TTC21B: variants seen among roughly 807,000 people sequenced by gnomAD.
TTC21B encodes the protein tetratricopeptide repeat protein 21B.
In TTC21B, 127 loss-of-function variants were observed where a neutral mutation model predicts 175.1. The observed-to-expected ratio is 0.73, with a 90% CI of 0.63 to 0.84. The LOEUF (loss-of-function observed/expected upper bound fraction) is 0.84, where lower values mean the gene tolerates loss of function less well. Among genes scored for constraint, TTC21B ranks in the 40% least tolerant of loss-of-function variants. TTC21B has a pLI of 0.00. For missense variants in TTC21B, 1,561 were observed against 1,558.3 expected (o/e 1.00, Z -0.03); for synonymous variants, 524 against 524.5 (o/e 1.00, Z 0.01).
intron 28 of TTC21B, among the ~76,000 whole-genome samples, chr2:165,875,320 A>C (rs1392700553): frequency 6.6e-6 from 1 of 152,048 alleles, no homozygotes; most frequent in Non-Finnish European, 1.5e-5. Flanking sequence ...GCCTTACATT[A>C]ACACACAACC....
intron 18 of TTC21B, among the ~76,000 whole-genome samples, chr2:165,909,590 T>C (rs1574091759): frequency 6.6e-6 from 1 of 152,108 alleles, no homozygotes; most frequent in Non-Finnish European, 1.5e-5. Flanking sequence ...GAAATGTAAA[T>C]TAAAATGTTT....
At chr2:165,881,683 G>C (rs999799798) in intron 26 of TTC21B, among the ~76,000 whole-genome samples, 1 of 152,036 alleles carries the variant, frequency 6.6e-6, no homozygotes, top group African/African-American at 2.4e-5. Context: ...GGAGAGAGGT[G>C]AATCTACTTC....
chr2:165,885,014 GT>G (rs1440836169), intron 25 of TTC21B, among the ~76,000 whole-genome samples: 1 of 152,144 alleles, frequency 6.6e-6, no homozygotes, highest in Non-Finnish European at 1.5e-5. Flanking sequence ...GCTGAGTGTG[GT>G]GGCCAGCCCC....
intron 20 of TTC21B, among the ~76,000 whole-genome samples, chr2:165,901,503 A>G (rs1472239186): frequency 4.6e-5 from 7 of 151,712 alleles, no homozygotes; most frequent in Non-Finnish European, 1.0e-4. Context: ...TTGTATTTTC[A>G]GTAAAGACAA....
At chr2:165,894,777 A>G (rs1685306198) in intron 22 of TTC21B, among the ~76,000 whole-genome samples, 1 of 152,218 alleles carries the variant, frequency 6.6e-6, no homozygotes, top group African/African-American at 2.4e-5. Context: ...TGTGTGTGGC[A>G]TTTTGTCTGA....
chr2:165,944,576 T>C lies in TTC21B; in HGVS notation c.429+948A>G, dbSNP rs562439041. ...TCAAGCCACTTCATCCAAGAAACCA[T>C]TGTCTAATTAATCTTCTGGATTTGC... On this transcript the variant is annotated intron_variant, in intron 4 of 28. Coordinates refer to ENST00000243344, the MANE Select transcript of TTC21B (RefSeq NM_024753.5). 1.4e-4 allele frequency among the ~76,000 whole-genome samples: 21 copies of C among 152,278 alleles called. No individual in the cohort carries two copies. The East Asian group carries it at 3.5e-3, about 25-fold the overall frequency.
At chr2:165,945,953 T>G (rs1687543970) in intron 3 of TTC21B, among the ~76,000 whole-genome samples, 1 of 152,156 alleles carries the variant, frequency 6.6e-6, no homozygotes, top group South Asian at 2.1e-4. Context: ...GACATAAAAA[T>G]TAATGAGATA....
intron 28 of TTC21B, 76 bp from the exon 29 acceptor site, chr2:165,874,908 A>C (rs1684615682): frequency 7.8e-7 from 1 of 1,276,068 alleles, no homozygotes; most frequent in Non-Finnish European, 1.1e-6. Flanking sequence ...ACTTATAAGA[A>C]ATGAGCATTA....
rs1687702154 is a variant in TTC21B, at chr2:165,949,687, T to C, written c.59A>G (p.His20Arg). Residue 20 changes from histidine (H) to arginine (R), a missense_variant, in exon 2 of 29, where the codon CAT becomes CGT. By Grantham distance (29) the His-to-Arg change is conservative (BLOSUM62 0). Transcript: ENST00000243344. The stretch of plus-strand genomic sequence containing the variant: ...TTCACTGGCAACCAGTAATACATGA[T>C]GGAAATATCTCTCTTGACAATAGTA... ...INYYCQERYFHHVLLVASEGI... is the reference protein window; with the variant it reads ...INYYCQERYFRHVLLVASEGI... 2 of 1,612,244 alleles carry C rather than the reference T, an allele frequency of 1.2e-6. No homozygotes were observed. The highest frequency in any genetic ancestry group is 8.5e-7 in the Non-Finnish European group (1 of 1,178,920).
intron 6 of TTC21B, 109 bp from the exon 7 acceptor site, chr2:165,933,166 T>C: frequency 2.6e-6 from 2 of 768,646 alleles, no homozygotes; most frequent in South Asian, 3.2e-5. Flanking sequence ...TTCAAATAAG[T>C]AATTTTCACT....
chr2:165,908,708 A>G (rs1303494871), intron 18 of TTC21B, among the ~76,000 whole-genome samples: 3 of 152,158 alleles, frequency 2.0e-5, no homozygotes, highest in Admixed American at 6.5e-5. Flanking sequence ...GCATCTAAGT[A>G]TGTCATGGGT....
At chr2:165,879,955 A>C (rs529085132) in intron 27 of TTC21B, 2 of 152,424 alleles carry the variant, frequency 1.3e-5, no homozygotes, top group East Asian at 3.9e-4. Context: ...ATTGCAATTT[A>C]AAGGGTCATG....
At chr2:165,882,418 T>C (rs906549653) in intron 26 of TTC21B, among the ~76,000 whole-genome samples, 3 of 152,188 alleles carry the variant, frequency 2.0e-5, no homozygotes, top group African/African-American at 4.8e-5. Flanking sequence ...CGAGAAGTCA[T>C]GGATTTAAAC....
At chr2:165,894,894 G>A (rs1307314030) in intron 22 of TTC21B, among the ~76,000 whole-genome samples, 1 of 152,084 alleles carries the variant, frequency 6.6e-6, no homozygotes, top group Non-Finnish European at 1.5e-5. Context: ...TAATAAAGAC[G>A]TATGGACAAA....
At position 165,874,025 on chromosome 2, in the gene TTC21B, T is replaced by G. The variant is rs886055021; in HGVS notation, c.*730A>C. 2.0e-5 allele frequency: 3 copies of G among 152,028 alleles called. No homozygotes were observed. The highest frequency in any genetic ancestry group is 2.9e-5 in the Non-Finnish European group (2 of 68,012). The allele number at this position is 152,028 out of a possible 1,614,324, so 9.4% of individuals were successfully genotyped here. A position where few individuals can be genotyped will look rare whatever the true frequency, so the allele number is the denominator to read the frequency against. ...TTCATGAGTTATTTACAGGGAGATT[T>G]ATTCCAATTTTTGAAACAACACAGA... On this transcript the variant is annotated 3_prime_UTR_variant, in exon 29 of 29. Transcript: ENST00000243344.
Position 165,898,741 on chromosome 2 carries a change from T to G in TTC21B, c.2895A>C (p.Lys965Asn). 1 of 1,613,492 alleles carries G rather than the reference T, an allele frequency of 6.2e-7. No individual in the cohort carries two copies. Among genetic ancestry groups the G allele is most frequent in the Non-Finnish European group, 8.5e-7 (1 of 1,179,440 alleles). The change falls in exon 22 of 29, where the codon AAA (lysine) becomes AAC (asparagine). Residue 965 changes from lysine to asparagine, a missense_variant. Transcript: ENST00000243344. ...GAAACACTGCTTGTTCATAGTCTTG[T>G]TTTCTGAACATGAGATCAGCCATCA... ...TMMMADLMFRKQDYEQAVFHL... is the reference protein window; with the variant it reads ...TMMMADLMFRNQDYEQAVFHL...
chr2:165,874,066 G>A lies in TTC21B; in HGVS notation c.*689C>T, dbSNP rs959452957. On this transcript the variant is annotated 3_prime_UTR_variant, in exon 29 of 29. Coordinates refer to ENST00000243344, the MANE Select transcript of TTC21B (RefSeq NM_024753.5). ...ACAACACAGAATACAACAAAAACAG[G>A]CTGGGTGCGGTGGCTCATGCCTGTA... The A allele has an allele frequency of 2.0e-5, 3 of 152,118 alleles. No homozygotes were observed. The highest frequency in any genetic ancestry group is 6.5e-5 in the Admixed American group (1 of 15,272). The allele number at this position is 152,118 out of a possible 1,614,324, so 9.4% of individuals were successfully genotyped here.
At chr2:165,900,383 A>C (rs1032122939) in intron 20 of TTC21B, among the ~76,000 whole-genome samples, 2 of 152,246 alleles carry the variant, frequency 1.3e-5, no homozygotes, top group African/African-American at 4.8e-5. Context: ...TATATTAATA[A>C]AAATGTTCAA....
In TTC21B at chr2:165,914,654, A is replaced by AGTGTGTGTGTGTGT. The variant is rs1553511255; in HGVS notation, c.2138+546_2138+547insACACACACACACAC. ...TCTGTTTGGGGAGAAGAGGAAGAGC[A>AGTGTGTGTGTGTGT]ATCTGTGTGTGTGTGTGTGTGTGTG... On this transcript the variant is annotated intron_variant, in intron 15 of 28. Coordinates refer to ENST00000243344, the MANE Select transcript of TTC21B (RefSeq NM_024753.5). Among the ~76,000 whole-genome samples the AGTGTGTGTGTGTGT allele has an allele frequency of 3.5e-4, 6 of 17,102 alleles. No homozygotes were observed. The South Asian group carries it at 7.5e-3, about 21-fold the overall frequency. The allele number at this position is 17,102 out of a possible 152,430, so 11.2% of individuals were successfully genotyped here.
Sources: gnomAD v4.1 joint callset for allele counts (sites outside exome capture counted in the v4.1 genomes callset) on GRCh38, gnomAD v4.1.1 for gene constraint, MANE v1.5 for transcripts, NCBI Gene and HGNC (gene_info 2026-07-23, HGNC 2026-07-21) for gene names.